CTNNA3: variants seen among roughly 807,000 people sequenced by gnomAD.
The protein encoded by CTNNA3 is catenin alpha-3.
Under a neutral mutation model 95.7 loss-of-function variants are expected in CTNNA3, and 76 were observed. The observed-to-expected ratio is 0.79, with a 90% confidence interval of 0.66 to 0.96. The LOEUF is 0.96. CTNNA3 is among the 40% of genes least tolerant of loss of function. The probability of loss-of-function intolerance (pLI) is 0.00; values close to 1 mark genes in which losing one functional copy is unlikely to be tolerated. For synonymous variants in CTNNA3, 431 were observed against 374.4 expected, an observed-to-expected ratio of 1.15 and a Z score of -1.74; for missense variants, 1,191 against 1,089.8, an observed-to-expected ratio of 1.09 and a Z score of -1.31.
chr10:66,166,020 C>T (rs910641057), intron 13 of CTNNA3, among the ~76,000 whole-genome samples: 3 of 152,016 alleles, frequency 2.0e-5, no homozygotes, highest in Admixed American at 6.6e-5. Context: ...TCCTCTTCGG[C>T]CTCCCAAAGT....
At chr10:67,527,122 T>G (rs1229416387) in intron 4 of CTNNA3, among the ~76,000 whole-genome samples, 1 of 152,044 alleles carries the variant, frequency 6.6e-6, no homozygotes, top group Admixed American at 6.6e-5. Context: ...TCAGGTGTGG[T>G]GGCATGCACC....
intron 12 of CTNNA3, among the ~76,000 whole-genome samples, chr10:66,356,133 T>TC (rs968789607): frequency 5.3e-5 from 8 of 151,132 alleles, no homozygotes; most frequent in Admixed American, 2.6e-4. Flanking sequence ...TTTTTTTTTT[T>TC]TTTTTTTTGG....
chr10:67,087,319 A>G (rs1857361170), intron 7 of CTNNA3, among the ~76,000 whole-genome samples: 1 of 152,058 alleles, frequency 6.6e-6, no homozygotes, highest in Non-Finnish European at 1.5e-5. Context: ...CCTGGAGATC[A>G]TGAGCAGTGC....
At chr10:66,519,937 TC>T (rs1840998112) in intron 11 of CTNNA3, among the ~76,000 whole-genome samples, 3 of 152,100 alleles carry the variant, frequency 2.0e-5, no homozygotes, top group Admixed American at 2.0e-4. Flanking sequence ...TATGTTTTTT[TC>T]CATGAGGGGA....
At chr10:67,438,527 A>T (rs1846383936) in intron 5 of CTNNA3, among the ~76,000 whole-genome samples, 1 of 152,232 alleles carries the variant, frequency 6.6e-6, no homozygotes, top group Admixed American at 6.5e-5. Flanking sequence ...CTAAAGCCGG[A>T]ATACCAAATT....
chr10:67,737,039 C>T (rs958864285), intron 1 of CTNNA3, among the ~76,000 whole-genome samples: 1 of 152,066 alleles, frequency 6.6e-6, no homozygotes, highest in African/African-American at 2.4e-5. Flanking sequence ...TCTCAGCTCA[C>T]TGCAACCTCC....
chr10:66,539,596 A>G (rs928349180), intron 10 of CTNNA3, among the ~76,000 whole-genome samples: 1 of 152,170 alleles, frequency 6.6e-6, no homozygotes, highest in Non-Finnish European at 1.5e-5. Context: ...TGAATGATCT[A>G]TAGGGACAGT....
rs529519740 is a variant in CTNNA3, at chr10:67,519,283, A to G, written c.579+2559T>C. Among the ~76,000 whole-genome samples the G allele has an allele frequency of 3.9e-5, 6 of 152,282 alleles. No individual in the cohort carries two copies. In the East Asian group the frequency reaches 1.2e-3, roughly 29 times the overall value. On this transcript the variant is annotated intron_variant, in intron 5 of 17. Transcript: ENST00000433211. ...AATATCATAGAAGGGGACAGAAAAT[A>G]AAACCTAATGGATGACTCCAATAAA...
At chr10:67,092,728 C>G (rs2131915363) in intron 7 of CTNNA3, among the ~76,000 whole-genome samples, 1 of 152,080 alleles carries the variant, frequency 6.6e-6, no homozygotes, top group Middle Eastern at 3.4e-3. Flanking sequence ...TTTTAACCAT[C>G]TAACTTTGTA....
intron 7 of CTNNA3, among the ~76,000 whole-genome samples, chr10:67,030,723 C>T (rs1048417676): frequency 3.3e-5 from 5 of 151,830 alleles, no homozygotes; most frequent in African/African-American, 7.3e-5. Flanking sequence ...AGAAAAGTAC[C>T]GGTCAGATGC....
At chr10:66,541,537 A>T (rs1478161684) in intron 10 of CTNNA3, among the ~76,000 whole-genome samples, 3 of 152,144 alleles carry the variant, frequency 2.0e-5, no homozygotes, top group African/African-American at 7.2e-5. Context: ...TTCCTTTACT[A>T]ATCTATTAAA....
At chr10:67,136,040 C>T (rs1370888621) in intron 7 of CTNNA3, among the ~76,000 whole-genome samples, 1 of 152,022 alleles carries the variant, frequency 6.6e-6, no homozygotes, top group Non-Finnish European at 1.5e-5. Flanking sequence ...TTTAACTTTT[C>T]CTTTATTTTT....
At position 67,678,583 on chromosome 10, in the gene CTNNA3, C is replaced by A. The variant is rs187065213; in HGVS notation, c.-6+17417G>T. 4.7e-3 allele frequency among the ~76,000 whole-genome samples: 719 copies of A among 152,192 alleles called. 4 individuals are homozygous for A. The highest frequency in any genetic ancestry group is 0.016 in the African/African-American group (673 of 41,524). ...AAATTGAACATATCACCTTAGAGTTCATTACAGTAAAGAAAGAAAACACAA... is the reference window on the plus strand; with the variant it reads ...AAATTGAACATATCACCTTAGAGTTAATTACAGTAAAGAAAGAAAACACAA... On this transcript the variant is annotated intron_variant, in intron 1 of 17. Coordinates refer to ENST00000433211, the MANE Select transcript of CTNNA3 (RefSeq NM_013266.4).
chr10:66,901,816 A>C (rs1164260646), intron 7 of CTNNA3, among the ~76,000 whole-genome samples: 1 of 152,246 alleles, frequency 6.6e-6, no homozygotes, highest in Non-Finnish European at 1.5e-5. Flanking sequence ...TCAATTCAAC[A>C]AGAAGAGCTA....
intron 7 of CTNNA3, among the ~76,000 whole-genome samples, chr10:66,981,216 T>A (rs1328493337): frequency 1.3e-5 from 2 of 152,202 alleles, no homozygotes; most frequent in African/African-American, 2.4e-5. Flanking sequence ...ATCCAGTTTT[T>A]CTAGTAGTTT....
intron 10 of CTNNA3, among the ~76,000 whole-genome samples, chr10:66,592,004 T>C (rs1843567892): frequency 6.6e-6 from 1 of 151,890 alleles, no homozygotes; most frequent in Non-Finnish European, 1.5e-5. Context: ...TGTAAGGACT[T>C]ATAAATACAA....
chr10:66,020,484 A>G (rs2079180533), intron 15 of CTNNA3, among the ~76,000 whole-genome samples: 1 of 152,338 alleles, frequency 6.6e-6, no homozygotes, highest in African/African-American at 2.4e-5. Flanking sequence ...ACACTCTTCA[A>G]CCAACACTGA....
intron 7 of CTNNA3, among the ~76,000 whole-genome samples, chr10:66,790,390 G>C (rs183400708): frequency 6.6e-6 from 1 of 152,040 alleles, no homozygotes; most frequent in Non-Finnish European, 1.5e-5. Context: ...GCAGTGAGCC[G>C]AGATAACAGT....
chr10:66,219,058 T>A (rs1338252733), intron 13 of CTNNA3, among the ~76,000 whole-genome samples: 1 of 152,226 alleles, frequency 6.6e-6, no homozygotes, highest in Non-Finnish European at 1.5e-5. Context: ...TGGGAACAGA[T>A]AACTTATCTC....
Sources: gnomAD v4.1 joint callset for allele counts (sites outside exome capture counted in the v4.1 genomes callset) on GRCh38, gnomAD v4.1.1 for gene constraint, MANE v1.5 for transcripts, NCBI Gene and HGNC (gene_info 2026-07-23, HGNC 2026-07-21) for gene names.